FAF2: variants seen among roughly 807,000 people sequenced by gnomAD.
FAF2 encodes the protein Fas associated factor family member 2, also known as FAS-associated factor 2.
A neutral mutation model predicts 62.3 loss-of-function variants in FAF2; 9 were observed. That is an observed-to-expected ratio of 0.14 (90% CI 0.09 to 0.25). The LOEUF (loss-of-function observed/expected upper bound fraction) is 0.25, where lower values mean the gene tolerates loss of function less well. Among genes scored for constraint, FAF2 ranks in the 10% least tolerant of loss-of-function variants. FAF2 has a pLI of 1.00. For missense variants in FAF2, 368 were observed against 556.2 expected, an observed-to-expected ratio of 0.66 and a Z score of 3.40; for synonymous variants, 202 against 198.0, an observed-to-expected ratio of 1.02 and a Z score of -0.17.
intron 1 of FAF2, among the ~76,000 whole-genome samples, chr5:176,469,487 A>T (rs980545174): frequency 6.6e-6 from 1 of 152,216 alleles, no homozygotes; most frequent in African/African-American, 2.4e-5. Context: ...CAAAGCTGGC[A>T]TTGCAAAACT....
chr5:176,476,152 C>T (rs145277100), intron 1 of FAF2, among the ~76,000 whole-genome samples: 23 of 152,002 alleles, frequency 1.5e-4, no homozygotes, highest in South Asian at 1.0e-3. Context: ...TCCAGCTGCT[C>T]GGAGGCTGAG....
chr5:176,463,724 GTT>G (rs200216378), intron 1 of FAF2, among the ~76,000 whole-genome samples: 205 of 129,510 alleles, frequency 1.6e-3, no homozygotes, highest in African/African-American at 5.0e-3. Flanking sequence ...GTTATTGCAT[GTT>G]TTTTTTTTTT....
intron 8 of FAF2, among the ~76,000 whole-genome samples, chr5:176,497,521 AAT>A (rs1755516368): frequency 6.6e-6 from 1 of 152,182 alleles, no homozygotes. Flanking sequence ...CTCATCATTA[AAT>A]ATTCTGCCAC....
Position 176,500,036 on chromosome 5 carries a change from T to A in FAF2, c.1045T>A (p.Cys349Ser). 1 of 1,614,206 alleles carries A rather than the reference T, an allele frequency of 6.2e-7. No homozygotes were observed. Among genetic ancestry groups the A allele is most frequent in the Non-Finnish European group, 8.5e-7 (1 of 1,180,038 alleles). The change falls in exon 10 of 11, where the codon TGC (cysteine) becomes AGC (serine). Residue 349 changes from cysteine to serine, a missense_variant. Transcript: ENST00000261942. ...GGAGGAAAAGGAAAGGAAGTTGGAA[T>A]GCCTGCCCCCTGAACCTTCCCCTGA... ...LQEEKERKLE[C>S]LPPEPSPDDP... is the part of the protein sequence containing the mutation.
rs139098669 is a variant in FAF2 at position 176,501,564 on chromosome 5, G to A, written c.1155+1418G>A. Among the ~76,000 whole-genome samples, 1,417 of 152,294 alleles carry A rather than the reference G, an allele frequency of 9.3e-3. 6 individuals carry two copies. Among genetic ancestry groups the A allele is most frequent in the Non-Finnish European group, 0.014 (949 of 68,030 alleles). On this transcript the variant is annotated intron_variant, in intron 10 of 10. Transcript: ENST00000261942. The stretch of plus-strand genomic sequence containing the variant: ...CATGCAGTGAGCCAGATACTCTAGG[G>A]ATCATTTAGATGAGTGAGACATGGT...
At chr5:176,493,348 T>G (rs1759005635) in intron 5 of FAF2, among the ~76,000 whole-genome samples, 1 of 152,210 alleles carries the variant, frequency 6.6e-6, no homozygotes, top group African/African-American at 2.4e-5. Context: ...GATGAGCACC[T>G]CCTGTGTACC....
chr5:176,484,171 T>G (rs1166192469), intron 2 of FAF2, among the ~76,000 whole-genome samples: 1 of 152,200 alleles, frequency 6.6e-6, no homozygotes, highest in Non-Finnish European at 1.5e-5. Context: ...ACACATTACC[T>G]TCTTGGCATA....
chr5:176,460,008 T>C (rs1190266238), intron 1 of FAF2, among the ~76,000 whole-genome samples: 1 of 152,188 alleles, frequency 6.6e-6, no homozygotes, highest in Non-Finnish European at 1.5e-5. Flanking sequence ...TCTGCATTAA[T>C]TTGCTTAGGA....
chr5:176,464,056 A>G (rs1758424671), intron 1 of FAF2, among the ~76,000 whole-genome samples: 1 of 152,094 alleles, frequency 6.6e-6, no homozygotes, highest in South Asian at 2.1e-4. Flanking sequence ...CTGCTACACA[A>G]ATTAAAATTG....
At chr5:176,469,285 T>C (rs1758519942) in intron 1 of FAF2, among the ~76,000 whole-genome samples, 1 of 152,050 alleles carries the variant, frequency 6.6e-6, no homozygotes, top group South Asian at 2.1e-4. Flanking sequence ...GAATTATAAT[T>C]GGAGTTCTGA....
intron 1 of FAF2, among the ~76,000 whole-genome samples, chr5:176,472,233 G>A (rs921096557): frequency 6.6e-6 from 1 of 151,600 alleles, no homozygotes; most frequent in Non-Finnish European, 1.5e-5. Flanking sequence ...TGCAACCTCC[G>A]TCTCCCGGGT....
Position 176,456,324 on chromosome 5 carries a change from G to C in FAF2, c.63+7854G>C, listed in dbSNP as rs888819359. On this transcript the variant is annotated intron_variant, in intron 1 of 10. Coordinates refer to ENST00000261942, the MANE Select transcript of FAF2 (RefSeq NM_014613.3). The stretch of plus-strand genomic sequence containing the variant: ...TGACCTGAGGTGATCCGCCTACCTC[G>C]GCCTCTCAAAGTGCTGGGATTACAG... Among the ~76,000 whole-genome samples the C allele has an allele frequency of 4.6e-5, 7 of 152,178 alleles. No homozygotes were observed. In the East Asian group the frequency reaches 1.2e-3, roughly 25 times the overall value.
intron 1 of FAF2, 125 bp downstream of exon 1, chr5:176,448,595 C>T (rs1404905303): frequency 2.1e-6 from 2 of 932,038 alleles, no homozygotes; most frequent in African/African-American, 1.7e-5. Context: ...GCCCCCTCCC[C>T]CCCAGACTCC....
intron 10 of FAF2, 40 bp downstream of exon 10, chr5:176,500,186 T>C (rs1295191798): frequency 1.2e-6 from 2 of 1,600,382 alleles, no homozygotes; most frequent in Admixed American, 3.4e-5. Flanking sequence ...ATGTAGCATC[T>C]GGGCTATAGA....
At chr5:176,488,858 A>G in intron 3 of FAF2, 93 bp from the exon 4 acceptor site, 3 of 970,180 alleles carry the variant, frequency 3.1e-6, no homozygotes, top group Middle Eastern at 2.1e-4. Context: ...ATCACATGGA[A>G]GGACCAAAAA....
intron 10 of FAF2, among the ~76,000 whole-genome samples, chr5:176,501,133 AAATAAT>A (rs60135052): frequency 0.084 from 12,761 of 151,026 alleles, 820 homozygotes; most frequent in East Asian, 0.27. Context: ...AAAAAAAAAT[AAATAAT>A]AATAATAATA....
chr5:176,470,737 C>A (rs1029814669), intron 1 of FAF2, among the ~76,000 whole-genome samples: 1 of 152,238 alleles, frequency 6.6e-6, no homozygotes, highest in African/African-American at 2.4e-5. Context: ...GAGTTCAGCA[C>A]ACTAGCTTAC....
rs549593626 is a variant in FAF2 at position 176,501,967 on chromosome 5, G to A, written c.1155+1821G>A. 4.2e-3 allele frequency among the ~76,000 whole-genome samples: 637 copies of A among 152,202 alleles called. 4 individuals carry two copies. The highest frequency in any genetic ancestry group is 0.014 in the African/African-American group (595 of 41,544). On this transcript the variant is annotated intron_variant, in intron 10 of 10. Transcript: ENST00000261942. Reference sequence around the variant, plus strand: ...AGATGGGGTTTCACCATGTTGGTCAGGCCGGTCTCGAACTCCTAACCTCAA... The same window carrying A: ...AGATGGGGTTTCACCATGTTGGTCAAGCCGGTCTCGAACTCCTAACCTCAA...
intron 1 of FAF2, among the ~76,000 whole-genome samples, chr5:176,462,230 C>T (rs1369579346): frequency 5.3e-5 from 8 of 151,946 alleles, no homozygotes; most frequent in Admixed American, 1.3e-4. Context: ...GAGCCGAGAT[C>T]GCAACATTGC....
Sources: gnomAD v4.1 joint callset for allele counts (sites outside exome capture counted in the v4.1 genomes callset) on GRCh38, gnomAD v4.1.1 for gene constraint, MANE v1.5 for transcripts, NCBI Gene and HGNC (gene_info 2026-07-23, HGNC 2026-07-21) for gene names.